Variants in RBM27 observed in about 807,000 individuals in gnomAD.
The protein encoded by RBM27 is RNA binding motif protein 27.
Under a neutral mutation model 135.3 loss-of-function variants are expected in RBM27, and 22 were observed. The observed-to-expected ratio is 0.16, with a 90% CI of 0.12 to 0.23. The LOEUF (loss-of-function observed/expected upper bound fraction) is 0.23. RBM27 is among the 10% of genes least tolerant of loss of function. RBM27 has a pLI of 1.00. For synonymous variants in RBM27, 481 were observed against 442.4 expected, an observed-to-expected ratio of 1.09 and a Z score of -1.10; for missense variants, 1,009 against 1,281.0, an observed-to-expected ratio of 0.79 and a Z score of 3.24.
chr5:146,235,182 T>C (rs775769677), intron 7 of RBM27, among the ~76,000 whole-genome samples: 1 of 152,164 alleles, frequency 6.6e-6, no homozygotes, highest in Non-Finnish European at 1.5e-5. Flanking sequence ...GACTCAGTTA[T>C]AGAATTATAA....
At position 146,280,899 on chromosome 5, in the gene RBM27, T is replaced by C. The variant is rs139075302; in HGVS notation, c.2989-3723T>C. ...TTGAGACAGAGTCTCGCTCTGTCAC[T>C]CAGGCTGGAGTGCAGTGGCATGATC... On this transcript the variant is annotated intron_variant, in intron 19 of 20. Transcript: ENST00000265271. 5.6e-3 allele frequency among the ~76,000 whole-genome samples: 856 copies of C among 152,212 alleles called. 10 individuals are homozygous for C. Among genetic ancestry groups the C allele is most frequent in the African/African-American group, 0.02 (826 of 41,512 alleles).
In RBM27 at chr5:146,286,062, T is replaced by C; in HGVS notation, c.*32T>C. 1.3e-6 allele frequency: 2 copies of C among 1,554,510 alleles called. No individual in the cohort carries two copies. Among genetic ancestry groups the C allele is most frequent in the Non-Finnish European group, 1.7e-6 (2 of 1,148,458 alleles). Reference sequence around the variant, plus strand: ...ATGCTAGCTGTATAATTTTTAGGAATATTGTTTAGAAGAACAACTTTTAAA... The same window carrying C: ...ATGCTAGCTGTATAATTTTTAGGAACATTGTTTAGAAGAACAACTTTTAAA... On this transcript the variant is annotated 3_prime_UTR_variant, in exon 21 of 21. Coordinates refer to ENST00000265271, the MANE Select transcript of RBM27 (RefSeq NM_018989.2).
intron 8 of RBM27, among the ~76,000 whole-genome samples, chr5:146,249,568 T>C (rs1402059327): frequency 6.7e-6 from 1 of 150,172 alleles, no homozygotes; most frequent in Non-Finnish European, 1.5e-5. Flanking sequence ...GCACCAGAAA[T>C]CCCAGCTACT....
intron 8 of RBM27, among the ~76,000 whole-genome samples, chr5:146,249,780 A>G (rs1170203809): frequency 6.6e-6 from 1 of 152,000 alleles, no homozygotes; most frequent in African/African-American, 2.4e-5. Flanking sequence ...TTCTTTTTAA[A>G]TGTACTTTTT....
intron 19 of RBM27, among the ~76,000 whole-genome samples, chr5:146,274,366 C>G (rs184089378): frequency 2.0e-5 from 3 of 152,130 alleles, no homozygotes; most frequent in Non-Finnish European, 4.4e-5. Flanking sequence ...AAGCGATTCT[C>G]GTGCCTCAGC....
chr5:146,283,903 A>T (rs1759471412), intron 19 of RBM27, among the ~76,000 whole-genome samples: 1 of 152,202 alleles, frequency 6.6e-6, no homozygotes, highest in Non-Finnish European at 1.5e-5. Flanking sequence ...AGGACCTTTG[A>T]TAGGAAAGCT....
At chr5:146,215,105 A>G (rs977653879) in intron 1 of RBM27, among the ~76,000 whole-genome samples, 6 of 152,128 alleles carry the variant, frequency 3.9e-5, no homozygotes, top group African/African-American at 1.4e-4. Context: ...GCTGGAGTGC[A>G]CTGGCGTGAT....
chr5:146,259,952 C>T (rs1397646063), intron 11 of RBM27, among the ~76,000 whole-genome samples: 5 of 125,078 alleles, frequency 4.0e-5, no homozygotes, highest in African/African-American at 1.6e-4. Context: ...CGCAGTCCGG[C>T]CTGGGCGACA....
intron 9 of RBM27, among the ~76,000 whole-genome samples, chr5:146,252,298 T>C (rs1757923677): frequency 6.6e-6 from 1 of 152,230 alleles, no homozygotes; most frequent in African/African-American, 2.4e-5. Context: ...GCCCCTTGTA[T>C]GTGTGCATAA....
At chr5:146,218,909 G>T in intron 1 of RBM27, 76 bp from the exon 2 acceptor site, 2 of 855,014 alleles carry the variant, frequency 2.3e-6, no homozygotes. Context: ...TCCAAAATAA[G>T]GGTGACTTCA....
intron 19 of RBM27, 132 bp from the exon 20 acceptor site, chr5:146,284,490 T>C (rs2126925132): frequency 1.5e-6 from 1 of 682,232 alleles, no homozygotes; most frequent in Non-Finnish European, 2.6e-6. Flanking sequence ...TTAGCTCTCA[T>C]TGGAGATTGT....
In RBM27 at chr5:146,256,699, T is replaced by G. The variant is rs145573268; in HGVS notation, c.1594+1607T>G. ...CATATTTCTATTTTTATTCTCCTTT[T>G]ACAAGTAAAAACACTGAGGCTTAGA... is the stretch of plus-strand genomic sequence containing the variant. On this transcript the variant is annotated intron_variant, in intron 10 of 20. Coordinates refer to ENST00000265271, the MANE Select transcript of RBM27 (RefSeq NM_018989.2). Among the ~76,000 whole-genome samples the G allele has an allele frequency of 2.4e-4, 37 of 152,188 alleles. 2 individuals are homozygous for G. The East Asian group carries it at 6.8e-3, about 28-fold the overall frequency.
intron 8 of RBM27, among the ~76,000 whole-genome samples, chr5:146,238,657 ATTT>A (rs34275433): frequency 2.1e-5 from 3 of 142,390 alleles, no homozygotes; most frequent in Admixed American, 1.4e-4. Flanking sequence ...AAATTAGAAG[ATTT>A]TTTTTTTTTT....
At chr5:146,205,020 C>T (rs1013516477) in intron 1 of RBM27, among the ~76,000 whole-genome samples, 1 of 152,214 alleles carries the variant, frequency 6.6e-6, no homozygotes, top group African/African-American at 2.4e-5. Context: ...GCCTCAGCCT[C>T]CCGAGTAGCT....
At position 146,251,874 on chromosome 5, in the gene RBM27, A is replaced by G. The variant is rs754364067; in HGVS notation, c.1443A>G (p.Pro481=). Residue 481 remains proline (P), a splice_region_variant and synonymous_variant, in exon 9 of 21, where the codon CCA becomes CCG. Transcript: ENST00000265271. ...TCTCCAGCCCTACCCCTCTGGTTCC[A>G]GGTAAGCTTTGCTACAGATGGCCAT... The part of the protein sequence containing the change: ...TSVSSPTPLV[P]DTYEPDGYNP... 5.6e-6 allele frequency: 9 copies of G among 1,613,736 alleles called. 1 individual carries two copies. Among genetic ancestry groups the G allele is most frequent in the Non-Finnish European group, 7.6e-6 (9 of 1,179,686 alleles).
Position 146,261,493 on chromosome 5 carries a change from G to C in RBM27, c.1894-17G>C. The C allele has an allele frequency of 6.3e-7, 1 of 1,599,206 alleles. No homozygotes were observed. The highest frequency in any genetic ancestry group is 8.6e-7 in the Non-Finnish European group (1 of 1,168,016). On this transcript the variant is annotated splice_polypyrimidine_tract_variant and intron_variant, in intron 12 of 20. Transcript: ENST00000265271. Reference sequence around the variant, plus strand: ...TTTTCTGTTTTTGGGAATTTATATTGTTTTATTTTCTTCAAGGTTGCTTTT... The same window carrying C: ...TTTTCTGTTTTTGGGAATTTATATTCTTTTATTTTCTTCAAGGTTGCTTTT...
chr5:146,241,754 C>T (rs911359148), intron 8 of RBM27, among the ~76,000 whole-genome samples: 2 of 152,088 alleles, frequency 1.3e-5, no homozygotes, highest in Non-Finnish European at 2.9e-5. Context: ...CCACTGTGAC[C>T]GGCCTCTAAA....
intron 4 of RBM27, among the ~76,000 whole-genome samples, 157 bp from the exon 5 acceptor site, chr5:146,229,560 A>G (rs1756837138): frequency 7.2e-6 from 1 of 138,564 alleles, no homozygotes. Context: ...TTTTCTCTGT[A>G]TATATTTGAT....
Position 146,258,482 on chromosome 5 carries a change from T to C in RBM27, c.1628T>C (p.Val543Ala). ...ANIVIQTEPP[V>A]PVSINSNITR... The stretch of plus-strand genomic sequence containing the variant: ...ATTGTGATCCAGACTGAACCACCAG[T>C]TCCTGTTTCGATTAATAGCAACATA... Residue 543 changes from valine (V) to alanine (A), a missense_variant, in exon 11 of 21, where the codon GTT (valine) becomes GCT (alanine). Around this residue, in one of 6 missense-constraint regions of RBM27, gnomAD observed 329 missense variants for 368.1 expected, o/e 0.89. Transcript: ENST00000265271. The C allele has an allele frequency of 6.2e-7, 1 of 1,600,394 alleles. No homozygotes were observed. The highest frequency in any genetic ancestry group is 8.5e-7 in the Non-Finnish European group (1 of 1,173,462).
Sources: allele counts gnomAD v4.1 joint callset (sites outside exome capture counted in the v4.1 genomes callset), GRCh38; gene constraint gnomAD v4.1.1; regional missense constraint gnomAD v4.1.1; transcripts MANE v1.5; gene names NCBI Gene and HGNC (gene_info 2026-07-23, HGNC 2026-07-21).